The following PRAM1 variants were observed in gnomAD, a reference collection of about 807,000 sequenced individuals.
PRAM1 encodes the protein PML-RARA-regulated adapter molecule 1.
PRAM1 carries 41 observed loss-of-function variants against 55.3 expected under a neutral mutation model. The observed-to-expected ratio is 0.74, with a 90% CI of 0.58 to 0.96. The LOEUF (loss-of-function observed/expected upper bound fraction) is 0.96. PRAM1 is among the 40% of genes least tolerant of loss of function. PRAM1 has a pLI of 0.00. For missense variants in PRAM1, 898 were observed against 892.7 expected (o/e 1.01, Z -0.08); for synonymous variants, 401 against 387.1 (o/e 1.04, Z -0.42).
rs534829677 is a variant in PRAM1, at chr19:8,499,761, C to T, written c.47G>A (p.Arg16Gln). The T allele has an allele frequency of 6.5e-5, 105 of 1,607,226 alleles. 1 individual carries two copies. The highest frequency in any genetic ancestry group is 3.2e-4 in the South Asian group (29 of 90,484). ...PAAMESHQDF[R>Q]SIKAKFQASQ... The stretch of plus-strand genomic sequence containing the variant: ...GGCCTGGAACTTTGCTTTGATGCTC[C>T]GGAAGTCCTGATGGCTCTCCTAGGA... The change falls in exon 2 of 10, where the codon CGG (arginine) becomes CAG (glutamine). Residue 16 changes from arginine (R) to glutamine (Q), a missense_variant. Physicochemically the swap from Arg to Gln is conservative, Grantham distance 43 (BLOSUM62 1). This residue lies in a region of PRAM1 where 79 missense variants were observed against 93.4 expected (regional missense o/e 0.85). Transcript: ENST00000423345.
chr19:8,497,742 C>T, intron 4 of PRAM1, 22 bp downstream of exon 4: 27 of 1,589,690 alleles, frequency 1.7e-5, no homozygotes, highest in South Asian at 2.3e-5. Flanking sequence ...TTTGCAGGGA[C>T]TCGGGCAGGC....
At position 8,495,160 on chromosome 19, in the gene PRAM1, C is replaced by T. The variant is rs185577765; in HGVS notation, c.1576+2604G>A. On this transcript the variant is annotated intron_variant, in intron 4 of 9. Transcript: ENST00000423345. ...TGTCGCCCAAGCTGGAGTCCAATGG[C>T]GTGATCTTGGCTCACTGCAACCCTT... is the stretch of plus-strand genomic sequence containing the variant. Among the ~76,000 whole-genome samples, 183 of 151,688 alleles carry T rather than the reference C, an allele frequency of 1.2e-3. 1 individual carries two copies. The highest frequency in any genetic ancestry group is 4.3e-3 in the African/African-American group (176 of 41,336).
rs749647259 is a variant in PRAM1 at position 8,490,806 on chromosome 19, CCT to C, written c.1744-52_1744-51del. 9.3e-6 allele frequency: 15 copies of C among 1,606,870 alleles called. No individual in the cohort carries two copies. The highest frequency in any genetic ancestry group is 2.7e-5 in the African/African-American group (2 of 74,992). On this transcript the variant is annotated intron_variant, in intron 6 of 9. Coordinates refer to ENST00000423345, the MANE Select transcript of PRAM1 (RefSeq NM_032152.5). The surrounding 1 kb of genome is among the most constrained non-coding windows in gnomAD (Gnocchi z 7.3). Reference sequence around the variant, plus strand: ...CTGCTTGTGCTGCCGCCCTTGGGCCCCTGTCTTCTTTCTGAGCCTGGGATCGG... The same window carrying C: ...CTGCTTGTGCTGCCGCCCTTGGGCCCGTCTTCTTTCTGAGCCTGGGATCGG...
Position 8,498,774 on chromosome 19 carries a change from A to C in PRAM1, c.1034T>G (p.Leu345Arg). 1 of 1,574,862 alleles carries C rather than the reference A, an allele frequency of 6.3e-7. No individual in the cohort carries two copies. Among genetic ancestry groups the C allele is most frequent in the Non-Finnish European group, 8.6e-7 (1 of 1,160,948 alleles). ...TGGCCCCCGGCGCTCCGGCTGCAGC[A>C]GCTTCCTGGGGAGTGAGTTGAACTC... ...EPEFNSLPRK[L>R]LQPERRGPPR... is the part of the protein sequence containing the mutation. Residue 345 changes from leucine to arginine, a missense_variant, in exon 2 of 10, where the codon CTG (leucine) becomes CGG (arginine). Around this residue, in one of 4 missense-constraint regions of PRAM1, gnomAD observed 787 missense variants for 735.4 expected, o/e 1.07. Coordinates refer to ENST00000423345, the MANE Select transcript of PRAM1 (RefSeq NM_032152.5).
Position 8,490,609 on chromosome 19 carries a change from C to A in PRAM1, c.1891G>T (p.Asp631Tyr). 6.3e-7 allele frequency: 1 copy of A among 1,584,370 alleles called. No homozygotes were observed. The highest frequency in any genetic ancestry group is 8.6e-7 in the Non-Finnish European group (1 of 1,165,246). Residue 631 changes from aspartate (D) to tyrosine (Y), a missense_variant, in exon 7 of 10, where the codon GAC (aspartate) becomes TAC (tyrosine). Coordinates refer to ENST00000423345, the MANE Select transcript of PRAM1 (RefSeq NM_032152.5). The surrounding 1 kb of genome is among the most constrained non-coding windows in gnomAD (Gnocchi z 7.3). ...GCGCACTCACATTTGCCTTTGGGGTCCCGGCACAGCATCTCCTCATTGCTG... is the reference window on the plus strand; with the variant it reads ...GCGCACTCACATTTGCCTTTGGGGTACCGGCACAGCATCTCCTCATTGCTG... ...FTSNEEMLCR[D>Y]PKGKYGYVPR...
chr19:8,499,126 G>A lies in PRAM1; in HGVS notation c.682C>T (p.Pro228Ser), dbSNP rs1971757457. 1.9e-6 allele frequency: 3 copies of A among 1,613,552 alleles called. No individual in the cohort carries two copies. The highest frequency in any genetic ancestry group is 1.7e-6 in the Non-Finnish European group (2 of 1,179,772). The change falls in exon 2 of 10, where the codon CCT (proline) becomes TCT (serine). Residue 228 changes from proline (P) to serine (S), a missense_variant. Physicochemically the swap from Pro to Ser is moderately conservative, Grantham distance 74. Transcript: ENST00000423345. ...AGGCCACCGACCTGAGGCTGCGGAG[G>A]CTTTTTGGGGTACACGTTGAACTCA... is the stretch of plus-strand genomic sequence containing the variant. ...QPEFNVYPKK[P>S]PQPQVGGLPK...
rs764708765 is a variant in PRAM1 at position 8,499,337 on chromosome 19, C to T, written c.471G>A (p.Leu157=). 2.5e-6 allele frequency: 4 copies of T among 1,611,538 alleles called. No homozygotes were observed. The highest frequency in any genetic ancestry group is 2.2e-5 in the South Asian group (2 of 90,946). The change falls in exon 2 of 10, where the codon CTG becomes CTA. Residue 157 remains leucine, a synonymous_variant. Coordinates refer to ENST00000423345, the MANE Select transcript of PRAM1 (RefSeq NM_032152.5). The part of the protein sequence containing the change: ...EVGEAPLKAS[L]PEPGAPARKP... Reference sequence around the variant, plus strand: ...TCCGGGCCGGCGCACCAGGCTCCGGCAGCGAGGCCTTCAAAGGGGCCTCAC... The same window carrying T: ...TCCGGGCCGGCGCACCAGGCTCCGGTAGCGAGGCCTTCAAAGGGGCCTCAC...
At position 8,499,073 on chromosome 19, in the gene PRAM1, C is replaced by G; in HGVS notation, c.735G>C (p.Glu245Asp). Residue 245 changes from glutamate (E) to aspartate (D), a missense_variant, in exon 2 of 10, where the codon GAG becomes GAC. By Grantham distance (45) the Glu-to-Asp change is conservative. Around this residue, in one of 4 missense-constraint regions of PRAM1, gnomAD observed 787 missense variants for 735.4 expected, o/e 1.07. Coordinates refer to ENST00000423345, the MANE Select transcript of PRAM1 (RefSeq NM_032152.5). ...GLPKKSVPQP[E>D]FSEAAQTPLW... ...GGGGAGTCTGAGCGGCCTCGCTGAA[C>G]TCAGGCTGCGGCACGGACTTCTTAG... is the stretch of plus-strand genomic sequence containing the variant. The G allele has an allele frequency of 6.2e-7, 1 of 1,613,740 alleles. No individual in the cohort carries two copies. Among genetic ancestry groups the G allele is most frequent in the South Asian group, 1.1e-5 (1 of 91,066 alleles).
At chr19:8,491,020 T>C in intron 5 of PRAM1, 25 bp from the exon 6 acceptor site, 2 of 1,613,106 alleles carry the variant, frequency 1.2e-6, no homozygotes, top group Non-Finnish European at 1.7e-6. Context: ...CAAGGAATTG[T>C]GTGCTCGTGA....
intron 4 of PRAM1, among the ~76,000 whole-genome samples, chr19:8,495,101 G>A (rs1049531049): frequency 2.3e-4 from 34 of 150,796 alleles, no homozygotes; most frequent in Non-Finnish European, 3.1e-4. Context: ...CACCATGCCC[G>A]ACTCATTTTT....
chr19:8,499,885 G>A (rs1599884085), intron 1 of PRAM1, 105 bp from the exon 2 acceptor site: 13 of 977,894 alleles, frequency 1.3e-5, no homozygotes, highest in East Asian at 5.2e-5. Context: ...CCACCCCTGC[G>A]CCCAGGCCCG....
intron 4 of PRAM1, among the ~76,000 whole-genome samples, chr19:8,494,903 G>T (rs1313305995): frequency 6.7e-6 from 1 of 149,010 alleles, no homozygotes; most frequent in Non-Finnish European, 1.5e-5. Context: ...AAAGTGCTGG[G>T]ATTACAGGCG....
intron 4 of PRAM1, 94 bp downstream of exon 4, chr19:8,497,669 GT>G: frequency 9.9e-7 from 1 of 1,007,892 alleles, no homozygotes; most frequent in Non-Finnish European, 1.5e-6. Flanking sequence ...GAGCCAGCAG[GT>G]CCTAAAATGT....
intron 4 of PRAM1, among the ~76,000 whole-genome samples, chr19:8,497,516 C>T (rs902881751): frequency 4.6e-5 from 7 of 152,046 alleles, no homozygotes; most frequent in African/African-American, 7.2e-5. Context: ...CCACTGCACC[C>T]GGCCTGATGC....
intron 1 of PRAM1, among the ~76,000 whole-genome samples, chr19:8,500,928 G>C (rs1459946595): frequency 6.6e-6 from 1 of 151,910 alleles, no homozygotes; most frequent in Non-Finnish European, 1.5e-5. Flanking sequence ...ACCACACCTG[G>C]CTAATTTTTG....
rs146930895 is a variant in PRAM1, at chr19:8,498,129, T to A, written c.1499+94A>T. Reference sequence around the variant, plus strand: ...TCCTGACTTCAGGAGATCCGCCCACTTCAGCCTCCCGAAGTTCTGGGAGCT... The same window carrying A: ...TCCTGACTTCAGGAGATCCGCCCACATCAGCCTCCCGAAGTTCTGGGAGCT... On this transcript the variant is annotated intron_variant, in intron 3 of 9. Transcript: ENST00000423345. 9.1e-4 allele frequency: 1,239 copies of A among 1,355,748 alleles called. 7 individuals are homozygous for A. The African/African-American group carries it at 0.016, about 18-fold the overall frequency. 84.0% of individuals were successfully genotyped at this position (1,355,748 alleles called of 1,614,324 possible).
intron 4 of PRAM1, among the ~76,000 whole-genome samples, chr19:8,494,472 C>T (rs565986840): frequency 6.6e-6 from 1 of 152,296 alleles, no homozygotes; most frequent in Admixed American, 6.5e-5. Flanking sequence ...GGGGGCCTCT[C>T]TGCCCCAGGC....
chr19:8,495,399 C>T (rs1971686701), intron 4 of PRAM1, among the ~76,000 whole-genome samples: 2 of 152,146 alleles, frequency 1.3e-5, no homozygotes, highest in Admixed American at 1.3e-4. Flanking sequence ...CACGCCCGGC[C>T]CCAGCTAGTT....
At chr19:8,501,947 GC>G (rs1339791038) in intron 1 of PRAM1, among the ~76,000 whole-genome samples, 1 of 152,288 alleles carries the variant, frequency 6.6e-6, no homozygotes, top group East Asian at 1.9e-4. Context: ...TCCTACAAAC[GC>G]CCCTTTCACC....
Sources: gnomAD v4.1 joint callset for allele counts (sites outside exome capture counted in the v4.1 genomes callset) on GRCh38, gnomAD v4.1.1 for gene constraint, gnomAD v4.1.1 regional missense constraint, Gnocchi (gnomAD v3.1) non-coding constraint, MANE v1.5 for transcripts, NCBI Gene and HGNC (gene_info 2026-07-23, HGNC 2026-07-21) for gene names.